DCTN1: variants seen among roughly 807,000 people sequenced by gnomAD.
DCTN1 encodes 150 kDa dynein-associated polypeptide.
A neutral mutation model predicts 161.2 loss-of-function variants in DCTN1; 61 were observed. The ratio of observed to expected loss-of-function variants is 0.38; its 90% CI spans 0.31 to 0.47. The LOEUF is 0.47. DCTN1 is among the 20% of genes least tolerant of loss of function. The pLI, the probability that DCTN1 is intolerant of heterozygous loss-of-function variation, is 0.99. For missense variants in DCTN1, 1,404 were observed against 1,623.7 expected, an observed-to-expected ratio of 0.86 and a Z score of 2.33; for synonymous variants, 653 against 632.4, an observed-to-expected ratio of 1.03 and a Z score of -0.49.
chr2:74,367,335 T>C lies in DCTN1; in HGVS notation c.2253+17A>G. ...CTGATCTCCACGGGGGCTCAATCAC[T>C]GGCCCAGATACTTCACCTTAATGTG... On this transcript the variant is annotated intron_variant, in intron 19 of 31. Transcript: ENST00000628224. 6.2e-7 allele frequency: 1 copy of C among 1,613,990 alleles called. No individual in the cohort carries two copies. Among genetic ancestry groups the C allele is most frequent in the Non-Finnish European group, 8.5e-7 (1 of 1,179,898 alleles).
In DCTN1 at chr2:74,361,458, G is replaced by A. The variant is rs1053169737; in HGVS notation, c.*41C>T. ...CTGTGCATCGGGCAGAGCGGCACCA[G>A]AGGGCTGAGGGTCGAAGGGGACAGC... On this transcript the variant is annotated 3_prime_UTR_variant, in exon 32 of 32. Coordinates refer to ENST00000628224, the MANE Select transcript of DCTN1 (RefSeq NM_004082.5). 3.2e-5 allele frequency: 52 copies of A among 1,613,298 alleles called. No homozygotes were observed. Among genetic ancestry groups the A allele is most frequent in the African/African-American group, 5.3e-5 (4 of 74,916 alleles).
chr2:74,372,793 C>T (rs1164732026), intron 7 of DCTN1, 135 bp downstream of exon 7: 1 of 958,330 alleles, frequency 1.0e-6, no homozygotes. Context: ...CGAACCCCCA[C>T]CCTTTCCTCT....
At chr2:74,377,569 T>C in intron 3 of DCTN1, 79 bp downstream of exon 3, 2 of 1,511,256 alleles carry the variant, frequency 1.3e-6, no homozygotes, top group South Asian at 2.2e-5. Flanking sequence ...TAGGATCTAC[T>C]GTGGCCCCAT....
At chr2:74,390,421 G>C (rs1233509745) in intron 1 of DCTN1, among the ~76,000 whole-genome samples, 1 of 152,218 alleles carries the variant, frequency 6.6e-6, no homozygotes, top group East Asian at 1.9e-4. Flanking sequence ...CCTATATGCA[G>C]ATAATTGCCC....
At chr2:74,366,059 G>C in intron 23 of DCTN1, 41 bp from the exon 24 acceptor site, 1 of 1,614,008 alleles carries the variant, frequency 6.2e-7, no homozygotes, top group Non-Finnish European at 8.5e-7. Context: ...TGAGGGTGGA[G>C]AGAAGAGATC....
At chr2:74,387,833 C>A (rs1417195794) in intron 1 of DCTN1, among the ~76,000 whole-genome samples, 1 of 152,192 alleles carries the variant, frequency 6.6e-6, no homozygotes, top group Non-Finnish European at 1.5e-5. Flanking sequence ...CTAAAAGTCT[C>A]CAGTGGCTTC....
intron 7 of DCTN1, 53 bp downstream of exon 7, chr2:74,372,875 T>C (rs892214929): frequency 3.8e-6 from 6 of 1,592,622 alleles, no homozygotes; most frequent in Non-Finnish European, 4.3e-6. Context: ...TCCACATGCC[T>C]GAAACGTGTG....
chr2:74,374,792 A>C (rs1675125609), intron 5 of DCTN1: 7 of 1,051,514 alleles, frequency 6.7e-6, no homozygotes, highest in Non-Finnish European at 8.2e-6. Context: ...TCCTCATGAC[A>C]GTCATGCGCA....
intron 1 of DCTN1, 76 bp downstream of exon 1, chr2:74,379,929 C>G (rs1380773474): frequency 1.7e-5 from 25 of 1,473,348 alleles, no homozygotes; most frequent in Non-Finnish European, 3.8e-6. Context: ...CCCCAGCCCC[C>G]ACAGCAATGA....
Position 74,365,226 on chromosome 2 carries a change from T to A in DCTN1, c.3045A>T (p.Thr1015=). ...CGATGTCAGCCTGGAGTGCATCCAT[T>A]GTCTCCTCAAACTCTCTGTGAAAGA... ...LRKKEKEFEE[T]MDALQADIDQ... The change falls in exon 26 of 32, where the codon ACA becomes ACT. Residue 1015 remains threonine (T), a synonymous_variant. Transcript: ENST00000628224. The A allele has an allele frequency of 6.2e-7, 1 of 1,614,190 alleles. No homozygotes were observed. The highest frequency in any genetic ancestry group is 2.2e-5 in the East Asian group (1 of 44,882).
intron 26 of DCTN1, chr2:74,364,339 G>A (rs1674243798): frequency 1.3e-5 from 2 of 158,274 alleles, no homozygotes; most frequent in Admixed American, 5.9e-5. Context: ...CAAGACTCAG[G>A]AGCAGCTGGG....
rs372826374 is a variant in DCTN1, at chr2:74,370,434, T to C, written c.1127+32A>G. The stretch of plus-strand genomic sequence containing the variant: ...TCTAACACATTTGGAGACACAAGAG[T>C]AAGCATCAGAGGCAAGCACTGAAGA... On this transcript the variant is annotated intron_variant, in intron 11 of 31. Coordinates refer to ENST00000628224, the MANE Select transcript of DCTN1 (RefSeq NM_004082.5). The surrounding 1 kb of genome is among the most constrained non-coding windows in gnomAD (Gnocchi z 4.4). 4 of 1,613,888 alleles carry C rather than the reference T, an allele frequency of 2.5e-6. No homozygotes were observed. In the African/African-American group the frequency reaches 4.0e-5, roughly 16 times the overall value.
In DCTN1 at chr2:74,369,797, A is replaced by G. The variant is rs1674698309; in HGVS notation, c.1392+168T>C. Among the ~76,000 whole-genome samples, 1 of 148,766 alleles carries G rather than the reference A, an allele frequency of 6.7e-6. No individual in the cohort carries two copies. The highest frequency in any genetic ancestry group is 2.5e-5 in the African/African-American group (1 of 39,946). ...CGCCACTGCGCTCCAGCCTGGCAAC[A>G]GAGCGAGATTCCATCTCAGAAAAAA... On this transcript the variant is annotated intron_variant, in intron 13 of 31. Transcript: ENST00000628224. The surrounding 1 kb of genome is among the most constrained non-coding windows in gnomAD (Gnocchi z 4.9).
chr2:74,363,023 T>C lies in DCTN1; in HGVS notation c.3500A>G (p.His1167Arg). ...GCTGGTGCGAGTGATGTCTACTACG[T>C]GCGTGTGTGTGCTCAATTGATTCAA... ...ETLNQLSTHT[H>R]VVDITRTSPA... The change falls in exon 29 of 32, where the codon CAC becomes CGC. Residue 1167 changes from histidine (H) to arginine (R), a missense_variant. Around this residue, in one of 9 missense-constraint regions of DCTN1, gnomAD observed 311 missense variants for 298.9 expected, o/e 1.04. Transcript: ENST00000628224. 6.2e-7 allele frequency: 1 copy of C among 1,613,764 alleles called. No individual in the cohort carries two copies. Among genetic ancestry groups the C allele is most frequent in the Non-Finnish European group, 8.5e-7 (1 of 1,179,878 alleles).
chr2:74,362,707 T>G lies in DCTN1; in HGVS notation c.3552A>C (p.Gln1184His). ...TAAGCTGAGCCACTTGCTCCATAAG[T>G]TGGGCCGACGGGCTCTTGGCAGCTG... ...TSPAAKSPSAQLMEQVAQLKS... is the reference protein window; with the variant it reads ...TSPAAKSPSAHLMEQVAQLKS... Residue 1184 changes from glutamine (Q) to histidine (H), a missense_variant, in exon 30 of 32, where the codon CAA (glutamine) becomes CAC (histidine). By Grantham distance (24) the Gln-to-His change is conservative. Transcript: ENST00000628224. 6.2e-7 allele frequency: 1 copy of G among 1,614,004 alleles called. No individual in the cohort carries two copies. The highest frequency in any genetic ancestry group is 1.1e-5 in the South Asian group (1 of 91,044).
At position 74,370,324 on chromosome 2, in the gene DCTN1, T is replaced by A. The variant is rs757094492; in HGVS notation, c.1149A>T (p.Ser383=). Residue 383 remains serine (S), a synonymous_variant, in exon 12 of 32, where the codon TCA becomes TCT. Transcript: ENST00000628224. This position sits in a 1 kb window ranked among gnomAD's most constrained non-coding sequence, Gnocchi z 4.4. ...GGAGCTTCACATGCTCCTGCTTCTC[T>A]GAGGAAGAAAGATCCCGCATCCTGC... is the stretch of plus-strand genomic sequence containing the variant. The part of the protein sequence containing the change: ...ALVRMRDLSS[S]EKQEHVKLQK... 2 of 1,614,030 alleles carry A rather than the reference T, an allele frequency of 1.2e-6. No individual in the cohort carries two copies. Among genetic ancestry groups the A allele is most frequent in the South Asian group, 2.2e-5 (2 of 91,082 alleles).
chr2:74,362,864 T>C, intron 29 of DCTN1, 130 bp downstream of exon 29: 1 of 1,333,740 alleles, frequency 7.5e-7, no homozygotes, highest in Non-Finnish European at 1.1e-6. Context: ...TCAAACAAAC[T>C]GAACAGTGAA....
intron 3 of DCTN1, 78 bp downstream of exon 3, chr2:74,377,570 G>A (rs1257988733): frequency 6.6e-7 from 1 of 1,510,666 alleles, no homozygotes; most frequent in South Asian, 1.1e-5. Context: ...AGGATCTACT[G>A]TGGCCCCATG....
upstream of DCTN1, among the ~76,000 whole-genome samples, chr2:74,383,254 T>C (rs1234037095): frequency 6.6e-6 from 1 of 152,232 alleles, no homozygotes; most frequent in Non-Finnish European, 1.5e-5. Flanking sequence ...GGTTATTCTA[T>C]CAAACTATAA....
Sources: gnomAD v4.1 joint callset for allele counts (sites outside exome capture counted in the v4.1 genomes callset) on GRCh38, gnomAD v4.1.1 for gene constraint, gnomAD v4.1.1 regional missense constraint, Gnocchi (gnomAD v3.1) non-coding constraint, MANE v1.5 for transcripts, NCBI Gene and HGNC (gene_info 2026-07-23, HGNC 2026-07-21) for gene names.